TMEM65: variants seen among roughly 807,000 people sequenced by gnomAD.
TMEM65 encodes transmembrane protein 65.
In TMEM65, 22 loss-of-function variants were observed where a neutral mutation model predicts 25.4. That is an observed-to-expected ratio of 0.86 (90% CI 0.62 to 1.23). The LOEUF is 1.23. TMEM65 is among the 50% of genes most tolerant of loss of function. TMEM65 has a pLI of 0.00. For synonymous variants in TMEM65, 132 were observed against 126.2 expected (o/e 1.05, Z -0.31); for missense variants, 262 against 308.2 (o/e 0.85, Z 1.12).
chr8:124,345,014 A>G (rs1814626125), intron 1 of TMEM65, among the ~76,000 whole-genome samples: 1 of 152,200 alleles, frequency 6.6e-6, no homozygotes, highest in South Asian at 2.1e-4. Context: ...TGAGAGACTG[A>G]TCAAAAGGGG....
intron 1 of TMEM65, among the ~76,000 whole-genome samples, chr8:124,369,181 ACT>A (rs1482915312): frequency 6.6e-6 from 1 of 152,186 alleles, no homozygotes; most frequent in African/African-American, 2.4e-5. Flanking sequence ...GAAGGCGCAA[ACT>A]CAACTTTTTT....
chr8:124,345,420 C>A (rs560177549), intron 1 of TMEM65, among the ~76,000 whole-genome samples: 3 of 152,128 alleles, frequency 2.0e-5, no homozygotes, highest in African/African-American at 4.8e-5. Context: ...TAAAGATTAT[C>A]TTTTAACACT....
chr8:124,371,799 CGAGAA>C (rs1563602745), intron 1 of TMEM65, 50 bp downstream of exon 1: 1 of 1,465,122 alleles, frequency 6.8e-7, no homozygotes, highest in Non-Finnish European at 9.0e-7. Flanking sequence ...GGTGGGCTGG[CGAGAA>C]GAGGAGGGCG....
rs1245663233 is a variant in TMEM65, at chr8:124,308,607, G to A, written c.*5353C>T. 1 of 150,800 alleles carries A rather than the reference G, an allele frequency of 6.6e-6. No individual in the cohort carries two copies. The highest frequency in any genetic ancestry group is 1.5e-5 in the Non-Finnish European group (1 of 67,902). The allele number at this position is 150,800 out of a possible 1,614,324, so 9.3% of individuals were successfully genotyped here. A position where few individuals can be genotyped will look rare whatever the true frequency, so the allele number is the denominator to read the frequency against. On this transcript the variant is annotated 3_prime_UTR_variant, in exon 7 of 7. Coordinates refer to ENST00000297632, the MANE Select transcript of TMEM65 (RefSeq NM_194291.3). The stretch of plus-strand genomic sequence containing the variant: ...ATTAAATAAATAAATAAATGGTGGA[G>A]GGTAGAAAGTTTCAAGATCTGAATC...
At chr8:124,360,866 C>T (rs1246614952) in intron 1 of TMEM65, among the ~76,000 whole-genome samples, 5 of 152,160 alleles carry the variant, frequency 3.3e-5, no homozygotes, top group Non-Finnish European at 5.9e-5. Flanking sequence ...GCTGTAAGAT[C>T]TGCTTCTGTG....
At chr8:124,365,252 A>G (rs1814922989) in intron 1 of TMEM65, among the ~76,000 whole-genome samples, 2 of 152,242 alleles carry the variant, frequency 1.3e-5, no homozygotes, top group African/African-American at 4.8e-5. Context: ...CTTACCTGGA[A>G]GCCATATTTC....
chr8:124,371,841 C>A lies in TMEM65; in HGVS notation c.304+13G>T. The A allele has an allele frequency of 1.3e-6, 2 of 1,515,414 alleles. No homozygotes were observed. The highest frequency in any genetic ancestry group is 8.8e-7 in the Non-Finnish European group (1 of 1,137,462). The allele number at this position is 1,515,414 out of a possible 1,614,324, so 93.9% of individuals were successfully genotyped here. A position where few individuals can be genotyped will look rare whatever the true frequency, so the allele number is the denominator to read the frequency against. On this transcript the variant is annotated intron_variant, in intron 1 of 6. Transcript: ENST00000297632. Reference sequence around the variant, plus strand: ...CGGGGCCCCCGGGCTCGCCCCCCACCTGCCCCCCTTACCTTGGGCAATGGC... The same window carrying A: ...CGGGGCCCCCGGGCTCGCCCCCCACATGCCCCCCTTACCTTGGGCAATGGC...
intron 6 of TMEM65, among the ~76,000 whole-genome samples, chr8:124,318,363 G>GTATTT (rs1814263159): frequency 1.4e-5 from 1 of 73,840 alleles, no homozygotes; most frequent in Non-Finnish European, 2.3e-5. Flanking sequence ...GAATTTGCAT[G>GTATTT]TTTTTGTTTT....
At chr8:124,330,525 T>G (rs1408679496) in intron 2 of TMEM65, among the ~76,000 whole-genome samples, 1 of 151,982 alleles carries the variant, frequency 6.6e-6, no homozygotes. Flanking sequence ...GGCAACAATA[T>G]TTTAATAATA....
intron 1 of TMEM65, among the ~76,000 whole-genome samples, chr8:124,359,820 A>G (rs372306761): frequency 6.6e-6 from 1 of 152,200 alleles, no homozygotes; most frequent in East Asian, 1.9e-4. Flanking sequence ...TAAATCTGCT[A>G]ACCTTTTGGC....
At chr8:124,333,470 C>CGTGCGT (rs1554589075) in intron 1 of TMEM65, among the ~76,000 whole-genome samples, 1 of 149,138 alleles carries the variant, frequency 6.7e-6, no homozygotes, top group Non-Finnish European at 1.5e-5. Context: ...TGTGTGTGTG[C>CGTGCGT]GTGTGTGTGT....
rs77588621 is a variant in TMEM65 at position 124,369,890 on chromosome 8, A to G, written c.304+1964T>C. On this transcript the variant is annotated intron_variant, in intron 1 of 6. Transcript: ENST00000297632. ...GGACAATCATTTTGTCATCGACATC[A>G]GCAAAAATAGCTGATTTAAACTTTG... Among the ~76,000 whole-genome samples the G allele has an allele frequency of 9.5e-3, 1,451 of 152,352 alleles. 23 individuals are homozygous for G. The highest frequency in any genetic ancestry group is 0.033 in the African/African-American group (1,371 of 41,572).
chr8:124,311,957 A>G lies in TMEM65; in HGVS notation c.*2003T>C, dbSNP rs1478571448. On this transcript the variant is annotated 3_prime_UTR_variant, in exon 7 of 7. Transcript: ENST00000297632. ...TTACTTTCAAGAGCAAGAAGAAAAA[A>G]CAATAATCAAAAGCCCTTTCTAAAG... The G allele has an allele frequency of 6.6e-6, 1 of 152,550 alleles. No homozygotes were observed. The highest frequency in any genetic ancestry group is 1.5e-5 in the Non-Finnish European group (1 of 67,968). The allele number at this position is 152,550 out of a possible 1,614,324, so 9.4% of individuals were successfully genotyped here. A position where few individuals can be genotyped will look rare whatever the true frequency, so the allele number is the denominator to read the frequency against.
chr8:124,355,532 A>T (rs73332200), intron 1 of TMEM65, among the ~76,000 whole-genome samples: 3,413 of 152,308 alleles, frequency 0.022, 158 homozygotes, highest in African/African-American at 0.077. Context: ...CTCAGGCCCC[A>T]CTTCAAACCT....
At chr8:124,347,783 A>T (rs1242251007) in intron 1 of TMEM65, among the ~76,000 whole-genome samples, 1 of 152,198 alleles carries the variant, frequency 6.6e-6, no homozygotes, top group Non-Finnish European at 1.5e-5. Context: ...AGTAAACTAT[A>T]GTATTCAATT....
chr8:124,349,467 A>G (rs1814679521), intron 1 of TMEM65, among the ~76,000 whole-genome samples: 1 of 152,206 alleles, frequency 6.6e-6, no homozygotes, highest in East Asian at 1.9e-4. Flanking sequence ...AACAACTGGA[A>G]ACTATTACAT....
At chr8:124,329,939 AGT>A (rs1294160662) in intron 2 of TMEM65, among the ~76,000 whole-genome samples, 2 of 151,960 alleles carry the variant, frequency 1.3e-5, no homozygotes, top group Non-Finnish European at 2.9e-5. Context: ...ATTTGAGGAA[AGT>A]TACTAATCTC....
In TMEM65 at chr8:124,322,151, A is replaced by G. The variant is rs1429583148; in HGVS notation, c.473-4T>C. 6.2e-7 allele frequency: 1 copy of G among 1,605,646 alleles called. No homozygotes were observed. The highest frequency in any genetic ancestry group is 1.3e-5 in the African/African-American group (1 of 74,738). ...ACAAGATTTCCCAAAGCAGCAGCTA[A>G]AAATTTGAAAAATAAATAATTGTTA... is the stretch of plus-strand genomic sequence containing the variant. On this transcript the variant is annotated splice_region_variant and splice_polypyrimidine_tract_variant and intron_variant, in intron 4 of 6. Coordinates refer to ENST00000297632, the MANE Select transcript of TMEM65 (RefSeq NM_194291.3).
Position 124,371,928 on chromosome 8 carries a change from T to C in TMEM65, c.230A>G (p.Tyr77Cys). The change falls in exon 1 of 7, where the codon TAC becomes TGC. Residue 77 changes from tyrosine (Y) to cysteine (C), a missense_variant. By Grantham distance (194) the Tyr-to-Cys change is radical (BLOSUM62 -2). Transcript: ENST00000297632. ...GCTCCTCTCCGTGGAGTGCAGGCTG[T>C]AGATGAAGTCGCGCGCGCCCTGCGC... The part of the protein sequence containing the change: ...NTAQGARDFI[Y>C]SLHSTERSCL... 2 of 1,531,686 alleles carry C rather than the reference T, an allele frequency of 1.3e-6. No individual in the cohort carries two copies. Among genetic ancestry groups the C allele is most frequent in the Non-Finnish European group, 1.7e-6 (2 of 1,143,262 alleles). The allele number at this position is 1,531,686 out of a possible 1,614,324, so 94.9% of individuals were successfully genotyped here.
Sources: gnomAD v4.1 joint callset for allele counts (sites outside exome capture counted in the v4.1 genomes callset) on GRCh38, gnomAD v4.1.1 for gene constraint, MANE v1.5 for transcripts, NCBI Gene and HGNC (gene_info 2026-07-23, HGNC 2026-07-21) for gene names.